Variants in CADM2 observed in about 807,000 individuals in gnomAD.
CADM2 encodes the protein cell adhesion molecule 2.
A neutral mutation model predicts 49.8 loss-of-function variants in CADM2; 12 were observed. That is an observed-to-expected ratio of 0.24 (90% CI 0.15 to 0.39). The LOEUF (loss-of-function observed/expected upper bound fraction) is 0.39, where lower values mean the gene tolerates loss of function less well. Ranked by LOEUF, CADM2 falls within the 10% of genes least tolerant of loss-of-function variation. CADM2 has a pLI of 1.00. For synonymous variants in CADM2, 214 were observed against 175.4 expected, an observed-to-expected ratio of 1.22 and a Z score of -1.74; for missense variants, 378 against 492.3, an observed-to-expected ratio of 0.77 and a Z score of 2.20.
intron 1 of CADM2, among the ~76,000 whole-genome samples, chr3:85,542,662 G>T (rs776915064): frequency 4.0e-4 from 61 of 152,234 alleles, no homozygotes; most frequent in African/African-American, 8.9e-4. Context: ...GCTATTAAAA[G>T]AATTAGCTGC....
chr3:85,437,700 G>A (rs1038660757), intron 1 of CADM2, among the ~76,000 whole-genome samples: 1 of 151,576 alleles, frequency 6.6e-6, no homozygotes, highest in African/African-American at 2.4e-5. Flanking sequence ...AAATAAATAG[G>A]GCTGTGGAAA....
At position 85,065,973 on chromosome 3, in the gene CADM2, A is replaced by G. The variant is rs200960191; in HGVS notation, c.61+106305A>G. 2.0e-5 allele frequency among the ~76,000 whole-genome samples: 3 copies of G among 152,322 alleles called. No individual in the cohort carries two copies. The East Asian group carries it at 5.8e-4, about 29-fold the overall frequency. ...GTTGGTAAATATGCAATTAAAAACA[A>G]CAGCCATGTTTTGCTGTCTTGGAGG... On this transcript the variant is annotated intron_variant, in intron 1 of 9. Transcript: ENST00000383699.
chr3:85,070,465 T>C (rs1042790229), intron 1 of CADM2, among the ~76,000 whole-genome samples: 1 of 152,206 alleles, frequency 6.6e-6, no homozygotes, highest in Non-Finnish European at 1.5e-5. Context: ...ATTTGTTATC[T>C]GTTAAACACT....
At chr3:85,686,274 T>C (rs2066213274) in intron 1 of CADM2, among the ~76,000 whole-genome samples, 1 of 152,206 alleles carries the variant, frequency 6.6e-6, no homozygotes, top group South Asian at 2.1e-4. Context: ...TAAGTTGAAC[T>C]TCACTTCCTG....
chr3:85,552,821 C>T (rs141454456), intron 1 of CADM2, among the ~76,000 whole-genome samples: 6 of 151,978 alleles, frequency 3.9e-5, no homozygotes, highest in Non-Finnish European at 5.9e-5. Context: ...GGACTACAGG[C>T]GTGTGCCACC....
chr3:85,360,126 C>A (rs567785150), intron 1 of CADM2, among the ~76,000 whole-genome samples: 4 of 151,742 alleles, frequency 2.6e-5, no homozygotes, highest in African/African-American at 4.8e-5. Flanking sequence ...CTTTGAATTT[C>A]TAGAATACAA....
At chr3:85,928,033 T>C (rs769054004) in intron 6 of CADM2, among the ~76,000 whole-genome samples, 3 of 152,140 alleles carry the variant, frequency 2.0e-5, no homozygotes, top group Non-Finnish European at 4.4e-5. Context: ...GCTAAGGATA[T>C]AGAAAATCCA....
intron 2 of CADM2, among the ~76,000 whole-genome samples, chr3:85,771,163 A>G (rs1006392855): frequency 3.3e-5 from 5 of 152,172 alleles, no homozygotes; most frequent in African/African-American, 4.8e-5. Flanking sequence ...AAATTAGACC[A>G]TAAGTGTTGT....
chr3:86,039,950 G>A (rs556905827), intron 8 of CADM2, among the ~76,000 whole-genome samples: 28 of 152,234 alleles, frequency 1.8e-4, no homozygotes, highest in African/African-American at 6.3e-4. Flanking sequence ...TGCAGCCTCT[G>A]CTGCTGATAC....
chr3:85,336,718 T>G (rs2045087384), intron 1 of CADM2, among the ~76,000 whole-genome samples: 2 of 150,576 alleles, frequency 1.3e-5, no homozygotes, highest in South Asian at 4.2e-4. Context: ...ATAAAATTTT[T>G]CATGTTTTTC....
chr3:85,535,642 G>A (rs1250491031), intron 1 of CADM2, among the ~76,000 whole-genome samples: 1 of 152,076 alleles, frequency 6.6e-6, no homozygotes, highest in Admixed American at 6.6e-5. Context: ...GGATAATTAT[G>A]TTGTCTACCC....
chr3:85,028,862 A>C (rs1184130187), intron 1 of CADM2, among the ~76,000 whole-genome samples: 7 of 151,874 alleles, frequency 4.6e-5, no homozygotes, highest in African/African-American at 1.4e-4. Context: ...ACTTTTTAAA[A>C]TATATTCCAA....
intron 1 of CADM2, among the ~76,000 whole-genome samples, chr3:84,988,753 C>T (rs2032725873): frequency 1.3e-5 from 2 of 151,942 alleles, no homozygotes; most frequent in Non-Finnish European, 2.9e-5. Context: ...AACATTTTTT[C>T]ATCCTATCTT....
At chr3:85,902,207 A>G (rs1193411105) in intron 5 of CADM2, among the ~76,000 whole-genome samples, 1 of 152,056 alleles carries the variant, frequency 6.6e-6, no homozygotes, top group Non-Finnish European at 1.5e-5. Context: ...CTCTCTTTAC[A>G]TAGATGTATA....
intron 2 of CADM2, among the ~76,000 whole-genome samples, chr3:85,777,224 A>G (rs1577288015): frequency 2.8e-5 from 4 of 144,984 alleles, no homozygotes; most frequent in African/African-American, 9.9e-5. Context: ...TACAGAAAAC[A>G]TTTGCTATGG....
chr3:85,175,295 C>G (rs1489431243), intron 1 of CADM2, among the ~76,000 whole-genome samples: 4 of 152,090 alleles, frequency 2.6e-5, no homozygotes, highest in Non-Finnish European at 4.4e-5. Context: ...AAAGTGAAAG[C>G]TAGGACTTTC....
intron 1 of CADM2, among the ~76,000 whole-genome samples, chr3:85,014,672 GC>G (rs1341121125): frequency 6.6e-6 from 1 of 152,134 alleles, no homozygotes; most frequent in East Asian, 1.9e-4. Context: ...TCACAAGATT[GC>G]AGAGGCTATA....
At chr3:85,021,232 A>G (rs150912965) in intron 1 of CADM2, among the ~76,000 whole-genome samples, 2 of 152,196 alleles carry the variant, frequency 1.3e-5, no homozygotes, top group African/African-American at 4.8e-5. Context: ...TCGTTTTTTA[A>G]AAAAAAGATT....
At chr3:85,581,379 C>G (rs1271462747) in intron 1 of CADM2, among the ~76,000 whole-genome samples, 1 of 144,184 alleles carries the variant, frequency 6.9e-6, no homozygotes, top group Non-Finnish European at 1.5e-5. Flanking sequence ...ATATGTTAAA[C>G]AGAAACACGT....
Sources: allele counts gnomAD v4.1 joint callset (sites outside exome capture counted in the v4.1 genomes callset), GRCh38; gene constraint gnomAD v4.1.1; transcripts MANE v1.5; gene names NCBI Gene and HGNC (gene_info 2026-07-23, HGNC 2026-07-21).